The following NF2 variants were observed in gnomAD, a reference collection of about 807,000 sequenced individuals.
The protein encoded by NF2 is NF2, moesin-ezrin-radixin like (MERLIN) tumor suppressor, also known as merlin.
In NF2, 8 loss-of-function variants were observed where a neutral mutation model predicts 83.7. The observed-to-expected ratio is 0.10, with a 90% CI of 0.06 to 0.17. The LOEUF (loss-of-function observed/expected upper bound fraction) is 0.17, where lower values mean the gene tolerates loss of function less well. Among genes scored for constraint, NF2 ranks in the 10% least tolerant of loss-of-function variants. The pLI is 1.00. For missense variants in NF2, 533 were observed against 744.4 expected (o/e 0.72, Z 3.31); for synonymous variants, 266 against 269.6 (o/e 0.99, Z 0.13).
intron 15 of NF2, among the ~76,000 whole-genome samples, chr22:29,687,855 A>G (rs1302257573): frequency 2.0e-5 from 3 of 152,228 alleles, no homozygotes; most frequent in Non-Finnish European, 4.4e-5. Context: ...AGATGTGGGC[A>G]TAGCACACTG....
At chr22:29,658,990 T>C (rs2066400514) in intron 7 of NF2, among the ~76,000 whole-genome samples, 1 of 152,196 alleles carries the variant, frequency 6.6e-6, no homozygotes, top group Non-Finnish European at 1.5e-5. Context: ...CTTTCCCTTA[T>C]TGGGTTCCTA....
chr22:29,621,449 G>C (rs1293322020), intron 1 of NF2, among the ~76,000 whole-genome samples: 1 of 152,034 alleles, frequency 6.6e-6, no homozygotes, highest in African/African-American at 2.4e-5. Flanking sequence ...TATATATAAT[G>C]GTTGTTACCT....
chr22:29,654,324 G>A (rs545521000), intron 4 of NF2, among the ~76,000 whole-genome samples: 2 of 152,168 alleles, frequency 1.3e-5, no homozygotes, highest in Non-Finnish European at 2.9e-5. Context: ...TTTCACAGTT[G>A]TGATTTGGTG....
chr22:29,624,870 T>TTTCA (rs2065317963), intron 1 of NF2, among the ~76,000 whole-genome samples: 1 of 143,758 alleles, frequency 7.0e-6, no homozygotes, highest in Non-Finnish European at 1.5e-5. Context: ...TCTTTCTTTC[T>TTTCA]CTTTCTCTCC....
intron 1 of NF2, among the ~76,000 whole-genome samples, chr22:29,634,940 A>G (rs547496528): frequency 6.6e-6 from 1 of 152,376 alleles, no homozygotes; most frequent in East Asian, 1.9e-4. Flanking sequence ...TTCTCAAAAT[A>G]ATCCCTAAAG....
chr22:29,612,914 G>A (rs879420055), intron 1 of NF2, among the ~76,000 whole-genome samples: 2 of 151,754 alleles, frequency 1.3e-5, no homozygotes, highest in Non-Finnish European at 2.9e-5. Flanking sequence ...TGGCCAACAT[G>A]GAGAAACCCT....
At chr22:29,632,329 C>T (rs1161655204) in intron 1 of NF2, among the ~76,000 whole-genome samples, 1 of 152,096 alleles carries the variant, frequency 6.6e-6, no homozygotes, top group Non-Finnish European at 1.5e-5. Flanking sequence ...CCTGCTTGCT[C>T]CTCTTTCCCC....
At position 29,603,985 on chromosome 22, in the gene NF2, C is replaced by T. The variant is rs758236169; in HGVS notation, c.-14C>T. The T allele has an allele frequency of 3.8e-6, 6 of 1,562,524 alleles. No individual in the cohort carries two copies. The East Asian group carries it at 1.4e-4, about 37-fold the overall frequency. On this transcript the variant is annotated 5_prime_UTR_variant, in exon 1 of 16. Coordinates refer to ENST00000338641, the MANE Select transcript of NF2 (RefSeq NM_000268.4). ...GCCGTGGGGCGCGAGGGTCCCGGGC[C>T]TGAGCCCCGCGCCATGGCCGGGGCC...
At chr22:29,608,241 C>T (rs1439049585) in intron 1 of NF2, among the ~76,000 whole-genome samples, 2 of 147,586 alleles carry the variant, frequency 1.4e-5, no homozygotes, top group African/African-American at 2.5e-5. Context: ...ACTCAGGACT[C>T]AATAACAGAT....
chr22:29,652,266 T>C (rs2146955804), intron 4 of NF2, among the ~76,000 whole-genome samples: 1 of 152,280 alleles, frequency 6.6e-6, no homozygotes, highest in Middle Eastern at 3.4e-3. Flanking sequence ...CTTTTGGACA[T>C]CAGGTTTATG....
intron 7 of NF2, among the ~76,000 whole-genome samples, chr22:29,660,321 A>G (rs989646110): frequency 2.0e-5 from 3 of 152,174 alleles, no homozygotes; most frequent in African/African-American, 7.2e-5. Context: ...ATTCTTTTTG[A>G]TATGTATTTC....
At chr22:29,645,122 G>C (rs1414784279) in intron 4 of NF2, among the ~76,000 whole-genome samples, 1 of 152,142 alleles carries the variant, frequency 6.6e-6, no homozygotes, top group Non-Finnish European at 1.5e-5. Flanking sequence ...TCAGATCAAA[G>C]CCAGGAAGTA....
chr22:29,669,790 A>G (rs2066727616), intron 10 of NF2, among the ~76,000 whole-genome samples: 1 of 152,186 alleles, frequency 6.6e-6, no homozygotes, highest in Non-Finnish European at 1.5e-5. Context: ...GAAATTTAGA[A>G]TGTGAGTAAG....
chr22:29,640,506 G>A (rs2065777866), intron 3 of NF2, among the ~76,000 whole-genome samples: 1 of 152,272 alleles, frequency 6.6e-6, no homozygotes, highest in Middle Eastern at 3.4e-3. Flanking sequence ...TTTCACTTAT[G>A]TTCTTACTGC....
At chr22:29,678,050 G>C (rs1010679325) in intron 13 of NF2, 146 bp from the exon 14 acceptor site, 1 of 941,478 alleles carries the variant, frequency 1.1e-6, no homozygotes, top group African/African-American at 1.6e-5. Context: ...TGAAGTGGAG[G>C]GATGGGGACT....
At chr22:29,661,614 CT>C (rs2066480573) in intron 8 of NF2, among the ~76,000 whole-genome samples, 1 of 152,184 alleles carries the variant, frequency 6.6e-6, no homozygotes, top group African/African-American at 2.4e-5. Context: ...TATTACTTGG[CT>C]TTCTATTTTT....
At chr22:29,625,671 G>A (rs2065348269) in intron 1 of NF2, among the ~76,000 whole-genome samples, 1 of 152,214 alleles carries the variant, frequency 6.6e-6, no homozygotes, top group African/African-American at 2.4e-5. Flanking sequence ...CCAAAGTAGT[G>A]CTGACTTCAG....
At chr22:29,604,141 G>C (rs570073484) in intron 1 of NF2, 29 bp downstream of exon 1, 1 of 1,535,942 alleles carries the variant, frequency 6.5e-7, no homozygotes, top group Admixed American at 1.9e-5. Context: ...CGACTGCTGC[G>C]GTGACAGTCG....
Position 29,673,360 on chromosome 22 carries a change from C to A in NF2, c.1214C>A (p.Ala405Asp). Residue 405 changes from alanine to aspartate, a missense_variant, in exon 12 of 16, where the codon GCT becomes GAT. Physicochemically the swap from Ala to Asp is moderately radical, Grantham distance 126. Around this residue, in one of 3 missense-constraint regions of NF2, gnomAD observed 8 missense variants for 28.6 expected, o/e 0.28. Coordinates refer to ENST00000338641, the MANE Select transcript of NF2 (RefSeq NM_000268.4). ...CTTCTGGCCCAGAAGGCCGCAGAGG[C>A]TGAGCAGGAAATGCAGCGCATCAAG... ...AKLLAQKAAE[A>D]EQEMQRIKAT... The A allele has an allele frequency of 6.2e-7, 1 of 1,608,578 alleles. No individual in the cohort carries two copies. The highest frequency in any genetic ancestry group is 8.5e-7 in the Non-Finnish European group (1 of 1,178,026).
Sources: allele counts gnomAD v4.1 joint callset (sites outside exome capture counted in the v4.1 genomes callset), GRCh38; gene constraint gnomAD v4.1.1; regional missense constraint gnomAD v4.1.1; transcripts MANE v1.5; gene names NCBI Gene and HGNC (gene_info 2026-07-23, HGNC 2026-07-21).